ADAMTSL1: variants seen among roughly 807,000 people sequenced by gnomAD.
ADAMTSL1 encodes ADAMTS-like protein 1.
Under a neutral mutation model 201.8 loss-of-function variants are expected in ADAMTSL1, and 126 were observed. The observed-to-expected ratio is 0.62, with a 90% CI of 0.54 to 0.72. ADAMTSL1 has a LOEUF of 0.72. ADAMTSL1 is among the 30% of genes least tolerant of loss of function. The pLI is 0.00. For synonymous variants in ADAMTSL1, 1,121 were observed against 903.4 expected, an observed-to-expected ratio of 1.24 and a Z score of -4.32; for missense variants, 2,679 against 2,277.8, an observed-to-expected ratio of 1.18 and a Z score of -3.59.
chr9:18,249,465 A>G (rs377548173), intron 2 of ADAMTSL1, among the ~76,000 whole-genome samples: 1 of 152,188 alleles, frequency 6.6e-6, no homozygotes, highest in East Asian at 1.9e-4. Context: ...ACATCAATAT[A>G]GAGAGGGACG....
rs996396489 is a variant in ADAMTSL1 at position 18,454,547 on chromosome 9, C to G, written c.208-50282C>G. ...CATCACAGAGACCAATGACTTGATGCAAATGTCTCGATATGTCTGGGAACA... is the reference window on the plus strand; with the variant it reads ...CATCACAGAGACCAATGACTTGATGGAAATGTCTCGATATGTCTGGGAACA... On this transcript the variant is annotated intron_variant, in intron 2 of 29. Coordinates refer to the ADAMTSL1 transcript ENST00000680146. Among the ~76,000 whole-genome samples the G allele has an allele frequency of 4.6e-5, 7 of 152,272 alleles. No homozygotes were observed. The South Asian group carries it at 8.3e-4, about 18-fold the overall frequency.
At position 18,334,689 on chromosome 9, in the gene ADAMTSL1, A is replaced by G. The variant is rs73430931; in HGVS notation, c.208-170140A>G. Among the ~76,000 whole-genome samples the G allele has an allele frequency of 3.8e-3, 576 of 152,282 alleles. 4 individuals are homozygous for G. The highest frequency in any genetic ancestry group is 0.013 in the African/African-American group (546 of 41,580). On this transcript the variant is annotated intron_variant, in intron 2 of 29. Transcript: ENST00000680146. ...CACATGGTAGACAGAATAATCTTCC[A>G]ACAAATAGAGTCTGTTATCAATTTA...
intron 2 of ADAMTSL1, among the ~76,000 whole-genome samples, chr9:18,455,564 C>T (rs1820570509): frequency 6.6e-6 from 1 of 151,974 alleles, no homozygotes; most frequent in African/African-American, 2.4e-5. Flanking sequence ...AGGTAGGTCT[C>T]AGAGTCACCT....
chr9:18,656,033 A>C (rs1208328868), intron 7 of ADAMTSL1, among the ~76,000 whole-genome samples: 1 of 151,972 alleles, frequency 6.6e-6, no homozygotes, highest in Non-Finnish European at 1.5e-5. Context: ...AAAATACGTA[A>C]ATGCTCTACA....
intron 16 of ADAMTSL1, 124 bp downstream of exon 16, chr9:18,753,632 C>G: frequency 9.3e-7 from 1 of 1,074,278 alleles, no homozygotes; most frequent in Non-Finnish European, 1.4e-6. Context: ...GCTCATTTCT[C>G]CCTTCTTAGT....
upstream of ADAMTSL1, chr9:18,474,081 C>A: frequency 5.1e-6 from 3 of 588,654 alleles, no homozygotes; most frequent in Non-Finnish European, 6.0e-6. Flanking sequence ...CCCATCCACC[C>A]ACCCACCCCT....
chr9:18,584,313 C>G (rs1706987596), intron 4 of ADAMTSL1, among the ~76,000 whole-genome samples: 1 of 151,392 alleles, frequency 6.6e-6, no homozygotes, highest in Non-Finnish European at 1.5e-5. Flanking sequence ...AAGCTCTCTT[C>G]TTTTGTCTGC....
intron 15 of ADAMTSL1, among the ~76,000 whole-genome samples, chr9:18,724,652 C>T (rs1409984749): frequency 2.0e-5 from 3 of 152,146 alleles, no homozygotes; most frequent in Non-Finnish European, 2.9e-5. Flanking sequence ...ATATTTCTGA[C>T]ACCTAGTATA....
At chr9:18,511,454 A>G (rs1045026781) in intron 2 of ADAMTSL1, among the ~76,000 whole-genome samples, 2 of 152,146 alleles carry the variant, frequency 1.3e-5, no homozygotes, top group African/African-American at 2.4e-5. Context: ...ATTGAATTAA[A>G]AAGTTTTTGA....
upstream of ADAMTSL1, among the ~76,000 whole-genome samples, chr9:18,472,513 A>T (rs76026943): frequency 0.095 from 14,514 of 152,278 alleles, 761 homozygotes; most frequent in Non-Finnish European, 0.12. Context: ...TCCTAACAGC[A>T]TGAAAATAGG....
At chr9:18,420,281 A>T (rs1818883207) in intron 2 of ADAMTSL1, among the ~76,000 whole-genome samples, 1 of 152,172 alleles carries the variant, frequency 6.6e-6, no homozygotes, top group Admixed American at 6.5e-5. Flanking sequence ...TGTTACAGTT[A>T]TCCATATAGG....
intron 1 of ADAMTSL1, among the ~76,000 whole-genome samples, chr9:18,128,545 A>G (rs1245173186): frequency 6.6e-6 from 1 of 152,096 alleles, no homozygotes; most frequent in East Asian, 1.9e-4. Flanking sequence ...TCCTGGTCAA[A>G]AGCAATCTGC....
At chr9:18,234,813 C>G (rs1830777462) in intron 2 of ADAMTSL1, among the ~76,000 whole-genome samples, 2 of 152,240 alleles carry the variant, frequency 1.3e-5, no homozygotes, top group South Asian at 4.2e-4. Flanking sequence ...ATTGCATTTC[C>G]CAGTCTATTA....
In ADAMTSL1 at chr9:18,568,998, ACCC is replaced by A. The variant is rs1420673357; in HGVS notation, c.238-5031_238-5029del. 3.9e-4 allele frequency among the ~76,000 whole-genome samples: 60 copies of A among 152,282 alleles called. No individual in the cohort carries two copies. The East Asian group carries it at 0.011, about 29-fold the overall frequency. On this transcript the variant is annotated intron_variant, in intron 3 of 28. Coordinates refer to ENST00000380548, the MANE Select transcript of ADAMTSL1 (RefSeq NM_001040272.6). ...TAAAGAAAAATTAATGCTTCTCCTG[ACCC>A]TGAATCTACATTATGTATATTTTTC...
intron 2 of ADAMTSL1, among the ~76,000 whole-genome samples, chr9:18,283,152 C>G (rs1030694934): frequency 1.4e-4 from 21 of 152,140 alleles, no homozygotes; most frequent in Admixed American, 1.3e-3. Flanking sequence ...TTTATATACT[C>G]TTATAATTGG....
chr9:18,630,132 A>G (rs1478040235), intron 5 of ADAMTSL1, among the ~76,000 whole-genome samples: 2 of 152,168 alleles, frequency 1.3e-5, no homozygotes, highest in African/African-American at 4.8e-5. Flanking sequence ...TACTGAAATC[A>G]GTTTGAACCT....
intron 2 of ADAMTSL1, among the ~76,000 whole-genome samples, chr9:18,277,207 T>C (rs1198347998): frequency 2.0e-5 from 3 of 152,220 alleles, no homozygotes; most frequent in Non-Finnish European, 2.9e-5. Flanking sequence ...GAAAATAATA[T>C]GTATTCTGCT....
At chr9:18,251,353 G>C (rs1419150596) in intron 2 of ADAMTSL1, among the ~76,000 whole-genome samples, 1 of 152,088 alleles carries the variant, frequency 6.6e-6, no homozygotes, top group African/African-American at 2.4e-5. Flanking sequence ...TTCTAGACAA[G>C]AAAGTTTTAT....
chr9:18,002,499 C>T (rs1004165856), intron 1 of ADAMTSL1, among the ~76,000 whole-genome samples: 1 of 151,954 alleles, frequency 6.6e-6, no homozygotes, highest in Non-Finnish European at 1.5e-5. Context: ...AATAATGTAA[C>T]TATTATTACT....
Sources: allele counts gnomAD v4.1 joint callset (sites outside exome capture counted in the v4.1 genomes callset), GRCh38; gene constraint gnomAD v4.1.1; transcripts MANE v1.5; gene names NCBI Gene and HGNC (gene_info 2026-07-23, HGNC 2026-07-21).